ZFHX3: variants seen among roughly 807,000 people sequenced by gnomAD.
ZFHX3 encodes the protein zinc finger homeobox protein 3.
A neutral mutation model predicts 279.1 loss-of-function variants in ZFHX3; 42 were observed. That is an observed-to-expected ratio of 0.15 (90% CI 0.12 to 0.19). ZFHX3 has a LOEUF of 0.19. Ranked by LOEUF, ZFHX3 falls within the 10% of genes least tolerant of loss-of-function variation. The pLI is 1.00. For missense variants in ZFHX3, 4,981 were observed against 4,754.0 expected (o/e 1.05, Z -1.40); for synonymous variants, 2,293 against 1,957.8 (o/e 1.17, Z -4.52).
intron 1 of ZFHX3, among the ~76,000 whole-genome samples, chr16:73,857,175 T>C (rs1961754218): frequency 6.6e-6 from 1 of 152,174 alleles, no homozygotes. Flanking sequence ...AACTTCAGAG[T>C]TTTATCTCAT....
chr16:73,036,316 A>T (rs1481857400), intron 1 of ZFHX3, among the ~76,000 whole-genome samples: 1 of 152,196 alleles, frequency 6.6e-6, no homozygotes, highest in East Asian at 1.9e-4. Context: ...TCAAAGAAGA[A>T]AAGCTGCACA....
intron 8 of ZFHX3, among the ~76,000 whole-genome samples, chr16:73,079,489 A>C (rs894725435): frequency 1.3e-5 from 2 of 152,114 alleles, no homozygotes; most frequent in Non-Finnish European, 2.9e-5. Context: ...TCTGTCTCCA[A>C]AAAAAACCAA....
chr16:73,127,936 G>A (rs1318868902), intron 7 of ZFHX3, among the ~76,000 whole-genome samples: 1 of 152,168 alleles, frequency 6.6e-6, no homozygotes, highest in Non-Finnish European at 1.5e-5. Flanking sequence ...GTCCCTGCTG[G>A]GTAGAAGCAT....
At chr16:73,700,987 C>G (rs1391030277) in intron 1 of ZFHX3, among the ~76,000 whole-genome samples, 6 of 152,230 alleles carry the variant, frequency 3.9e-5, no homozygotes, top group Non-Finnish European at 8.8e-5. Flanking sequence ...GCAAAGGACT[C>G]TGTTCTTTTA....
At chr16:73,391,239 G>C (rs1012676926) in intron 3 of ZFHX3, among the ~76,000 whole-genome samples, 2 of 152,088 alleles carry the variant, frequency 1.3e-5, no homozygotes, top group Admixed American at 1.3e-4. Context: ...ACTTTGGGAG[G>C]CCAAGGCATG....
chr16:73,334,783 T>G (rs1463375962), intron 3 of ZFHX3, among the ~76,000 whole-genome samples: 1 of 150,220 alleles, frequency 6.7e-6, no homozygotes, highest in Non-Finnish European at 1.5e-5. Flanking sequence ...GATAAGGAGA[T>G]CTCTTTTCCT....
chr16:73,090,623 A>G (rs1270244547), intron 8 of ZFHX3, among the ~76,000 whole-genome samples: 2 of 151,686 alleles, frequency 1.3e-5, no homozygotes, highest in African/African-American at 2.4e-5. Context: ...GTGGTGGTTC[A>G]TGCCTGTAAT....
intron 2 of ZFHX3, among the ~76,000 whole-genome samples, chr16:73,472,338 G>A (rs1370819456): frequency 6.6e-6 from 1 of 151,644 alleles, no homozygotes; most frequent in East Asian, 1.9e-4. Flanking sequence ...CTTGCCCATG[G>A]TGGCACGATG....
chr16:72,907,278 G>GT (rs2039199974), intron 3 of ZFHX3, among the ~76,000 whole-genome samples: 1 of 152,124 alleles, frequency 6.6e-6, no homozygotes. Flanking sequence ...GGTAGCACTG[G>GT]TATTTTTATA....
intron 2 of ZFHX3, among the ~76,000 whole-genome samples, chr16:73,665,255 G>T (rs557319883): frequency 1.0e-4 from 15 of 145,030 alleles, no homozygotes; most frequent in African/African-American, 3.9e-4. Flanking sequence ...GCTCTGTTGC[G>T]CAGGCTGGAG....
intron 1 of ZFHX3, among the ~76,000 whole-genome samples, chr16:73,883,774 C>T (rs892549382): frequency 6.6e-6 from 1 of 151,792 alleles, no homozygotes; most frequent in Non-Finnish European, 1.5e-5. Flanking sequence ...CCTGTGAGAA[C>T]TAAAGATAAG....
chr16:73,159,505 G>A (rs538496079), intron 5 of ZFHX3, among the ~76,000 whole-genome samples: 2 of 152,192 alleles, frequency 1.3e-5, no homozygotes, highest in Non-Finnish European at 2.9e-5. Context: ...GAAGCTTGGG[G>A]TTGCCTGCTG....
intron 2 of ZFHX3, among the ~76,000 whole-genome samples, chr16:72,955,186 G>A (rs1352269353): frequency 6.6e-6 from 1 of 152,150 alleles, no homozygotes; most frequent in African/African-American, 2.4e-5. Context: ...CCCAAGGAAG[G>A]CACAGGTTTC....
chr16:73,851,841 C>T (rs1479578113), intron 1 of ZFHX3, among the ~76,000 whole-genome samples: 1 of 152,098 alleles, frequency 6.6e-6, no homozygotes, highest in African/African-American at 2.4e-5. Flanking sequence ...CTCCTCACAC[C>T]ACCATCTTCC....
chr16:73,153,319 A>G (rs1004734846), intron 5 of ZFHX3, among the ~76,000 whole-genome samples: 2 of 152,202 alleles, frequency 1.3e-5, no homozygotes, highest in African/African-American at 4.8e-5. Flanking sequence ...GTGTCTCCCT[A>G]CGTTGCCTAG....
At chr16:73,170,110 G>A (rs1304693221) in intron 5 of ZFHX3, among the ~76,000 whole-genome samples, 3 of 151,790 alleles carry the variant, frequency 2.0e-5, no homozygotes, top group Non-Finnish European at 2.9e-5. Context: ...AGTAACACTT[G>A]TGGGATGATT....
rs776901666 is a variant in ZFHX3 at position 72,796,636 on chromosome 16, C to G, written c.6046G>C (p.Glu2016Gln). Reference protein sequence around the residue: ...HQNYFPFKQLERFAKQYRDHY... With the variant: ...HQNYFPFKQLQRFAKQYRDHY... ...TCTCTGTACTGTTTGGCAAACCTCT[C>G]GAGCTGTTTGAAAGGAAAGTAATTC... Residue 2016 changes from glutamate (E) to glutamine (Q), a missense_variant, in exon 9 of 10, where the codon GAG becomes CAG. Around this residue, in one of 7 missense-constraint regions of ZFHX3, gnomAD observed 1,751 missense variants for 1,770.0 expected, o/e 0.99. Transcript: ENST00000268489. 1.2e-6 allele frequency: 2 copies of G among 1,613,832 alleles called. No individual in the cohort carries two copies. Among genetic ancestry groups the G allele is most frequent in the African/African-American group, 1.3e-5 (1 of 74,822 alleles).
chr16:73,155,238 T>C (rs934131856), intron 5 of ZFHX3, among the ~76,000 whole-genome samples: 2 of 151,406 alleles, frequency 1.3e-5, no homozygotes, highest in African/African-American at 4.9e-5. Flanking sequence ...TCAGTTGGCA[T>C]GTATACTCTG....
intron 1 of ZFHX3, among the ~76,000 whole-genome samples, chr16:73,772,950 C>T (rs963656771): frequency 2.6e-5 from 4 of 152,200 alleles, no homozygotes; most frequent in South Asian, 2.1e-4. Context: ...TATTTCTAAA[C>T]TCAGAAGCAT....
Sources: gnomAD v4.1 joint callset for allele counts (sites outside exome capture counted in the v4.1 genomes callset) on GRCh38, gnomAD v4.1.1 for gene constraint, gnomAD v4.1.1 regional missense constraint, MANE v1.5 for transcripts, NCBI Gene and HGNC (gene_info 2026-07-23, HGNC 2026-07-21) for gene names.